The following GALNT13 variants were observed in gnomAD, a reference collection of about 807,000 sequenced individuals.
GALNT13 encodes the protein polypeptide N-acetylgalactosaminyltransferase 13, also known as UDP-GalNAc:polypeptide N-acetylgalactosaminyltransferase 13.
Under a neutral mutation model 64.2 loss-of-function variants are expected in GALNT13, and 28 were observed. The ratio of observed to expected loss-of-function variants is 0.44; its 90% confidence interval spans 0.32 to 0.60. GALNT13 has a LOEUF of 0.60. Ranked by LOEUF, GALNT13 falls within the 20% of genes least tolerant of loss-of-function variation. The pLI is 0.05. For missense variants in GALNT13, 577 were observed against 669.8 expected (o/e 0.86, Z 1.53); for synonymous variants, 214 against 224.6 (o/e 0.95, Z 0.42).
At chr2:153,200,690 A>G in the GALNT13 span, among the ~76,000 whole-genome samples, 2 of 152,226 alleles carry the variant, frequency 1.3e-5, no homozygotes, top group South Asian at 4.1e-4. Context: ...TTTGATTTTG[A>G]GGATTAGAGA....
At chr2:153,945,006 C>A (rs1026546487) in intron 3 of GALNT13, among the ~76,000 whole-genome samples, 1 of 152,090 alleles carries the variant, frequency 6.6e-6, no homozygotes, top group South Asian at 2.1e-4. Context: ...AACGGAAAAA[C>A]CACTAAAGTG....
chr2:153,845,702 A>G, the GALNT13 span, among the ~76,000 whole-genome samples: 57 of 152,356 alleles, frequency 3.7e-4, no homozygotes, highest in African/African-American at 1.3e-3. Context: ...GTGATATTTG[A>G]AGACATAATG....
chr2:153,501,920 A>C, the GALNT13 span, among the ~76,000 whole-genome samples: 1,525 of 152,276 alleles, frequency 0.01, 21 homozygotes, highest in Non-Finnish European at 0.013. Flanking sequence ...AGCCACGCCA[A>C]ATGGCCAATA....
At chr2:154,186,796 A>T (rs979719749) in intron 4 of GALNT13, among the ~76,000 whole-genome samples, 1 of 152,126 alleles carries the variant, frequency 6.6e-6, no homozygotes. Context: ...AATGTGTTGC[A>T]TTAATTGTGA....
the GALNT13 span, among the ~76,000 whole-genome samples, chr2:153,088,241 GA>G: frequency 6.6e-6 from 1 of 151,406 alleles, no homozygotes; most frequent in Non-Finnish European, 1.5e-5. Context: ...TTCAAGAGCA[GA>G]TTATTTAATT....
At chr2:154,146,176 A>G (rs1227482915) in intron 4 of GALNT13, among the ~76,000 whole-genome samples, 1 of 151,668 alleles carries the variant, frequency 6.6e-6, no homozygotes, top group East Asian at 1.9e-4. Context: ...GCATACACAT[A>G]CACACACATA....
At chr2:154,121,106 A>G (rs1681916763) in intron 3 of GALNT13, among the ~76,000 whole-genome samples, 1 of 152,336 alleles carries the variant, frequency 6.6e-6, no homozygotes, top group Non-Finnish European at 1.5e-5. Context: ...GGGGAAGGGA[A>G]TAAAGTGGTT....
At chr2:154,331,209 G>A (rs910677412) in intron 9 of GALNT13, among the ~76,000 whole-genome samples, 2 of 152,090 alleles carry the variant, frequency 1.3e-5, no homozygotes, top group Admixed American at 1.3e-4. Flanking sequence ...AGAGAAGGGG[G>A]AAATATGTGG....
the GALNT13 span, among the ~76,000 whole-genome samples, chr2:153,262,775 A>T: frequency 5.3e-5 from 8 of 152,298 alleles, 1 homozygote; most frequent in African/African-American, 4.8e-5. Context: ...AACTCTCAAT[A>T]AACTAGGTAT....
chr2:153,286,671 G>A, the GALNT13 span, among the ~76,000 whole-genome samples: 9 of 152,050 alleles, frequency 5.9e-5, no homozygotes, highest in Non-Finnish European at 7.4e-5. Flanking sequence ...TCAAAATAAC[G>A]GGAAAAGCTT....
the GALNT13 span, among the ~76,000 whole-genome samples, chr2:153,486,449 T>C: frequency 6.6e-6 from 1 of 152,144 alleles, no homozygotes; most frequent in Non-Finnish European, 1.5e-5. Flanking sequence ...TCCCTCAATC[T>C]CTTACCTGTG....
At chr2:154,060,644 AC>A (rs1476759196) in intron 3 of GALNT13, among the ~76,000 whole-genome samples, 2 of 152,174 alleles carry the variant, frequency 1.3e-5, no homozygotes, top group Admixed American at 6.5e-5. Flanking sequence ...GGCGTGAGCC[AC>A]CGCACCTAAG....
chr2:153,428,370 G>A, the GALNT13 span, among the ~76,000 whole-genome samples: 2 of 152,028 alleles, frequency 1.3e-5, no homozygotes, highest in African/African-American at 4.8e-5. Context: ...GGACAGGGGA[G>A]CACCACATGC....
At position 154,345,742 on chromosome 2, in the gene GALNT13, T is replaced by C. The variant is rs933375334; in HGVS notation, c.1156+44153T>C. 3.3e-5 allele frequency among the ~76,000 whole-genome samples: 5 copies of C among 152,024 alleles called. No individual in the cohort carries two copies. The East Asian group carries it at 5.8e-4, about 18-fold the overall frequency. On this transcript the variant is annotated intron_variant, in intron 9 of 12. Transcript: ENST00000392825. ...CACCTAATTCTGGATTGGAGATCCT[T>C]GGAGATAACTCATAACTATAGGCTC...
At chr2:154,259,355 AT>A (rs994226458) in intron 8 of GALNT13, among the ~76,000 whole-genome samples, 1 of 152,178 alleles carries the variant, frequency 6.6e-6, no homozygotes, top group Non-Finnish European at 1.5e-5. Context: ...TTTCAAAAAT[AT>A]TGTTTTTATT....
the GALNT13 span, among the ~76,000 whole-genome samples, chr2:153,578,358 T>C: frequency 6.6e-6 from 1 of 152,336 alleles, no homozygotes; most frequent in African/African-American, 2.4e-5. Flanking sequence ...CATCAACATA[T>C]TTAGTAAAAA....
intron 8 of GALNT13, among the ~76,000 whole-genome samples, chr2:154,262,486 C>A (rs932606840): frequency 1.3e-5 from 2 of 152,158 alleles, no homozygotes; most frequent in Non-Finnish European, 2.9e-5. Context: ...GTATATCTAC[C>A]AGAGAACAGC....
the GALNT13 span, chr2:153,356,485 TC>T: frequency 6.6e-6 from 1 of 151,928 alleles, no homozygotes; most frequent in African/African-American, 2.4e-5. Flanking sequence ...AGAAGAAAAT[TC>T]ATACAAAATT....
chr2:153,488,886 C>G, the GALNT13 span, among the ~76,000 whole-genome samples: 1 of 152,138 alleles, frequency 6.6e-6, no homozygotes, highest in Admixed American at 6.6e-5. Context: ...AGGAACCTGA[C>G]GAAGGGAGTT....
Sources: gnomAD v4.1 joint callset for allele counts (sites outside exome capture counted in the v4.1 genomes callset) on GRCh38, gnomAD v4.1.1 for gene constraint, MANE v1.5 for transcripts, NCBI Gene and HGNC (gene_info 2026-07-23, HGNC 2026-07-21) for gene names.